ELOVL5: variants seen among roughly 807,000 people sequenced by gnomAD.
The protein encoded by ELOVL5 is ELOVL fatty acid elongase 5.
Under a neutral mutation model 38.6 loss-of-function variants are expected in ELOVL5, and 8 were observed. The observed-to-expected ratio is 0.21, with a 90% CI of 0.12 to 0.37. The LOEUF (loss-of-function observed/expected upper bound fraction) is 0.37. Ranked by LOEUF, ELOVL5 falls within the 10% of genes least tolerant of loss-of-function variation. ELOVL5 has a pLI of 1.00. For missense variants in ELOVL5, 280 were observed against 367.8 expected (o/e 0.76, Z 1.95); for synonymous variants, 127 against 133.7 (o/e 0.95, Z 0.34).
At chr6:53,344,808 T>C (rs954260024) in intron 1 of ELOVL5, among the ~76,000 whole-genome samples, 1 of 152,246 alleles carries the variant, frequency 6.6e-6, no homozygotes, top group African/African-American at 2.4e-5. Flanking sequence ...TTTTGCCCAA[T>C]GATTCCACAC....
intron 3 of ELOVL5, 121 bp from the exon 4 acceptor site, chr6:53,276,377 C>G: frequency 3.0e-6 from 2 of 665,382 alleles, no homozygotes; most frequent in South Asian, 3.7e-5. Context: ...CAAGTTTGCT[C>G]TGAGAAAAAA....
chr6:53,301,525 C>T (rs902296593), intron 1 of ELOVL5, among the ~76,000 whole-genome samples: 9 of 152,156 alleles, frequency 5.9e-5, no homozygotes, highest in African/African-American at 9.7e-5. Flanking sequence ...GCCAAAGCAT[C>T]GATTCCCATC....
chr6:53,279,990 T>G (rs906513593), intron 3 of ELOVL5, among the ~76,000 whole-genome samples: 11 of 152,300 alleles, frequency 7.2e-5, no homozygotes, highest in African/African-American at 2.6e-4. Context: ...GTAGCCCCAC[T>G]AGGAGCACAT....
chr6:53,286,740 T>C (rs762450274), intron 3 of ELOVL5, among the ~76,000 whole-genome samples: 4 of 152,216 alleles, frequency 2.6e-5, no homozygotes, highest in African/African-American at 7.2e-5. Context: ...CGACTCAAGA[T>C]GAATTGGTCA....
chr6:53,269,204 C>T lies in ELOVL5; in HGVS notation c.823G>A (p.Ala275Thr). 6.2e-7 allele frequency: 1 copy of T among 1,613,870 alleles called. No homozygotes were observed. The highest frequency in any genetic ancestry group is 8.5e-7 in the Non-Finnish European group (1 of 1,179,822). The change falls in exon 8 of 8, where the codon GCT (alanine) becomes ACT (threonine). Residue 275 changes from alanine (A) to threonine (T), a missense_variant. Physicochemically the swap from Ala to Thr is moderately conservative, Grantham distance 58. Transcript: ENST00000304434. ...HLKDHQNGSM[A>T]AVNGHTNSFS... ...CTGTTGGTGTGTCCATTCACAGCAG[C>T]CATGGACCCATTCTGGTGGTCCTTC...
intron 1 of ELOVL5, among the ~76,000 whole-genome samples, chr6:53,304,396 GAAAC>G (rs1767392420): frequency 1.3e-5 from 2 of 151,764 alleles, no homozygotes; most frequent in South Asian, 4.2e-4. Flanking sequence ...AACAAAAACA[GAAAC>G]AAAAAATGCA....
At chr6:53,284,984 C>T (rs1351441877) in intron 3 of ELOVL5, among the ~76,000 whole-genome samples, 1 of 152,122 alleles carries the variant, frequency 6.6e-6, no homozygotes, top group African/African-American at 2.4e-5. Flanking sequence ...CTTCTCTGGC[C>T]TCCTTATTTC....
At chr6:53,329,310 T>C (rs1290196767) in intron 1 of ELOVL5, among the ~76,000 whole-genome samples, 1 of 152,184 alleles carries the variant, frequency 6.6e-6, no homozygotes, top group Non-Finnish European at 1.5e-5. Flanking sequence ...TATACTTTAT[T>C]ATCATACAGT....
At chr6:53,295,600 A>T in intron 2 of ELOVL5, 42 bp downstream of exon 2, 1 of 1,347,166 alleles carries the variant, frequency 7.4e-7, no homozygotes. Flanking sequence ...ATAGGCAGGG[A>T]GTGATGCTGC....
chr6:53,330,827 T>C (rs895805706), intron 1 of ELOVL5, among the ~76,000 whole-genome samples: 1 of 152,144 alleles, frequency 6.6e-6, no homozygotes, highest in Non-Finnish European at 1.5e-5. Flanking sequence ...AAACTTTTTT[T>C]TTCCTTAAAC....
intron 1 of ELOVL5, among the ~76,000 whole-genome samples, chr6:53,316,848 C>T (rs1189830142): frequency 3.3e-5 from 5 of 152,006 alleles, no homozygotes; most frequent in Non-Finnish European, 7.4e-5. Flanking sequence ...TTCACCTAGA[C>T]CTTCACTTTA....
chr6:53,303,357 A>G (rs1209437851), intron 1 of ELOVL5, among the ~76,000 whole-genome samples: 1 of 152,210 alleles, frequency 6.6e-6, no homozygotes, highest in Non-Finnish European at 1.5e-5. Flanking sequence ...GCTCAAAAAT[A>G]TCTACCGCAC....
At chr6:53,309,273 G>C (rs970504992) in intron 1 of ELOVL5, among the ~76,000 whole-genome samples, 6 of 152,096 alleles carry the variant, frequency 3.9e-5, no homozygotes, top group Admixed American at 2.0e-4. Flanking sequence ...TATTGAACTG[G>C]GGCAGTATGG....
chr6:53,289,335 G>A (rs925016651), intron 3 of ELOVL5, among the ~76,000 whole-genome samples: 1 of 152,188 alleles, frequency 6.6e-6, no homozygotes, highest in African/African-American at 2.4e-5. Flanking sequence ...GCCCCATGGG[G>A]CTTCATGATC....
intron 3 of ELOVL5, 52 bp downstream of exon 3, chr6:53,291,724 G>A (rs1262265422): frequency 3.4e-6 from 5 of 1,452,380 alleles, no homozygotes; most frequent in Non-Finnish European, 4.7e-6. Context: ...ATTTAGGACA[G>A]CAATATGAGT....
rs12196700 is a variant in ELOVL5 at position 53,307,760 on chromosome 6, G to T, written c.-8-12053C>A. Among the ~76,000 whole-genome samples, 2 of 152,082 alleles carry T rather than the reference G, an allele frequency of 1.3e-5. 1 individual carries two copies. Among genetic ancestry groups the T allele is most frequent in the Middle Eastern group, 6.3e-3 (2 of 316 alleles). ...TGACTTCTCTGTGAGTAGAAGAGCA[G>T]GCCAGTGTCTATCCCAACCTTAGTA... is the stretch of plus-strand genomic sequence containing the variant. On this transcript the variant is annotated intron_variant, in intron 1 of 7. Transcript: ENST00000304434.
chr6:53,319,745 T>G (rs1398850869), intron 1 of ELOVL5, among the ~76,000 whole-genome samples: 1 of 152,252 alleles, frequency 6.6e-6, no homozygotes, highest in Non-Finnish European at 1.5e-5. Flanking sequence ...TTCACTGCAC[T>G]GTGCTGGTTC....
At chr6:53,332,655 G>A (rs1768859897) in intron 1 of ELOVL5, among the ~76,000 whole-genome samples, 1 of 152,112 alleles carries the variant, frequency 6.6e-6, no homozygotes, top group African/African-American at 2.4e-5. Flanking sequence ...GTAGAGGAGT[G>A]ATCACTCAGA....
At chr6:53,287,006 A>G (rs1254403610) in intron 3 of ELOVL5, among the ~76,000 whole-genome samples, 1 of 152,186 alleles carries the variant, frequency 6.6e-6, no homozygotes, top group Admixed American at 6.5e-5. Context: ...AGGTGCACAG[A>G]TATCATCTAT....
Sources: allele counts gnomAD v4.1 joint callset (sites outside exome capture counted in the v4.1 genomes callset), GRCh38; gene constraint gnomAD v4.1.1; transcripts MANE v1.5; gene names NCBI Gene and HGNC (gene_info 2026-07-23, HGNC 2026-07-21).